Variants in DLGAP2 observed in about 807,000 individuals in gnomAD.
The protein encoded by DLGAP2 is disks large-associated protein 2.
DLGAP2 carries 26 observed loss-of-function variants against 100.3 expected under a neutral mutation model. The observed-to-expected ratio is 0.26, with a 90% confidence interval of 0.19 to 0.36. The LOEUF is 0.36. Among genes scored for constraint, DLGAP2 ranks in the 10% least tolerant of loss-of-function variants. The pLI, the probability that DLGAP2 is intolerant of heterozygous loss-of-function variation, is 1.00. For synonymous variants in DLGAP2, 886 were observed against 630.1 expected, an observed-to-expected ratio of 1.41 and a Z score of -6.08; for missense variants, 1,858 against 1,453.2, an observed-to-expected ratio of 1.28 and a Z score of -4.53.
chr8:1,663,467 C>T (rs969009674), intron 8 of DLGAP2, among the ~76,000 whole-genome samples: 2 of 152,100 alleles, frequency 1.3e-5, no homozygotes, highest in Non-Finnish European at 2.9e-5. Context: ...CACCGCAGAG[C>T]ACCCTCAGAC....
Position 1,287,833 on chromosome 8 carries a change from C to CGTGTGTGT in DLGAP2, c.106+28960_106+28967dup, listed in dbSNP as rs1248811227. Among the ~76,000 whole-genome samples, 11 of 73,266 alleles carry CGTGTGTGT rather than the reference C, an allele frequency of 1.5e-4. No individual in the cohort carries two copies. The East Asian group carries it at 4.6e-3, about 30-fold the overall frequency. The allele number at this position is 73,266 out of a possible 152,430, so 48.1% of individuals were successfully genotyped here. On this transcript the variant is annotated intron_variant, in intron 3 of 14. Coordinates refer to ENST00000637795, the MANE Select transcript of DLGAP2 (RefSeq NM_001346810.2). ...AGGACGGGAACTAGTTTTGGTTCAG[C>CGTGTGTGT]GTGTGTGTGTGTGTGTGGTTGTTAG...
chr8:798,727 G>A (rs917664726), intron 1 of DLGAP2, among the ~76,000 whole-genome samples: 2 of 136,452 alleles, frequency 1.5e-5, no homozygotes, highest in Admixed American at 1.4e-4. Context: ...CCAGGTGATG[G>A]GTGCCTGCTT....
At chr8:1,253,557 A>G (rs1799099957) in intron 2 of DLGAP2, among the ~76,000 whole-genome samples, 1 of 152,210 alleles carries the variant, frequency 6.6e-6, no homozygotes, top group South Asian at 2.1e-4. Context: ...TTTCTAGGAG[A>G]TTAAAATAAG....
At chr8:1,444,103 G>C (rs185691280) in intron 3 of DLGAP2, among the ~76,000 whole-genome samples, 1 of 151,978 alleles carries the variant, frequency 6.6e-6, no homozygotes, top group Non-Finnish European at 1.5e-5. Flanking sequence ...TTAAGCTCCA[G>C]TGCTTTTTGT....
intron 3 of DLGAP2, among the ~76,000 whole-genome samples, chr8:1,326,489 C>T (rs905742789): frequency 1.4e-4 from 22 of 151,858 alleles, no homozygotes; most frequent in East Asian, 7.7e-4. Context: ...GGTCTCGGTC[C>T]GGGCCTGTCA....
rs565389605 is a variant in DLGAP2, at chr8:1,468,546, T to A, written c.107-32820T>A. ...TGAGAACCACACCTGTTCCAACACA[T>A]GGATCCCAAGCCTTAGGCTCCTGGT... On this transcript the variant is annotated intron_variant, in intron 3 of 14. Transcript: ENST00000637795. 1.4e-3 allele frequency among the ~76,000 whole-genome samples: 218 copies of A among 152,324 alleles called. 1 individual carries two copies. Among genetic ancestry groups the A allele is most frequent in the South Asian group, 5.0e-3 (24 of 4,822 alleles).
At chr8:1,691,086 A>G (rs899817000) in intron 12 of DLGAP2, among the ~76,000 whole-genome samples, 1 of 152,168 alleles carries the variant, frequency 6.6e-6, no homozygotes, top group Admixed American at 6.5e-5. Flanking sequence ...GAGAACCCAT[A>G]TGGATGTGTT....
At chr8:1,429,274 C>T (rs146321010) in intron 3 of DLGAP2, among the ~76,000 whole-genome samples, 359 of 152,182 alleles carry the variant, frequency 2.4e-3, no homozygotes, top group African/African-American at 8.1e-3. Flanking sequence ...TAAGGGCTCT[C>T]GTTTCATTTC....
At chr8:1,413,374 A>T (rs1796789347) in intron 3 of DLGAP2, among the ~76,000 whole-genome samples, 1 of 152,236 alleles carries the variant, frequency 6.6e-6, no homozygotes, top group African/African-American at 2.4e-5. Flanking sequence ...TGAACAACCT[A>T]TTGAAGAAAG....
At chr8:842,890 T>G (rs1443189772) in intron 1 of DLGAP2, among the ~76,000 whole-genome samples, 1 of 152,230 alleles carries the variant, frequency 6.6e-6, no homozygotes, top group Non-Finnish European at 1.5e-5. Flanking sequence ...TTTTTCTAAT[T>G]CTGATTTACA....
intron 3 of DLGAP2, among the ~76,000 whole-genome samples, chr8:1,355,233 C>T (rs1214059960): frequency 6.6e-6 from 1 of 152,260 alleles, no homozygotes; most frequent in Non-Finnish European, 1.5e-5. Flanking sequence ...GCGGTGACAC[C>T]TGCGTGCCAG....
Position 828,901 on chromosome 8 carries a change from A to G in DLGAP2, c.19-79011A>G, listed in dbSNP as rs141667663. Among the ~76,000 whole-genome samples, 882 of 152,296 alleles carry G rather than the reference A, an allele frequency of 5.8e-3. 8 individuals are homozygous for G. Among genetic ancestry groups the G allele is most frequent in the African/African-American group, 0.02 (826 of 41,558 alleles). ...CAACAATTTATTATTCTCAGGGTCT[A>G]TATGTAATGGATTCATGTTCCAAGA... On this transcript the variant is annotated intron_variant, in intron 1 of 14. Coordinates refer to ENST00000637795, the MANE Select transcript of DLGAP2 (RefSeq NM_001346810.2).
intron 3 of DLGAP2, among the ~76,000 whole-genome samples, chr8:1,277,265 G>C (rs1052118411): frequency 6.6e-6 from 1 of 152,154 alleles, no homozygotes; most frequent in Non-Finnish European, 1.5e-5. Flanking sequence ...AGTGGCAGAC[G>C]TATATCTGTG....
chr8:950,610 T>C (rs1004497063), intron 2 of DLGAP2, among the ~76,000 whole-genome samples: 11 of 149,920 alleles, frequency 7.3e-5, no homozygotes, highest in Non-Finnish European at 7.4e-5. Flanking sequence ...GAATATTTCT[T>C]TTTTTCTTTT....
chr8:1,263,621 G>A (rs1799394699), intron 3 of DLGAP2, among the ~76,000 whole-genome samples: 1 of 152,198 alleles, frequency 6.6e-6, no homozygotes, highest in South Asian at 2.1e-4. Context: ...AGTCTCCTTA[G>A]TGGGTTTTTG....
intron 9 of DLGAP2, among the ~76,000 whole-genome samples, chr8:1,669,144 C>G (rs1798623814): frequency 1.3e-5 from 2 of 152,182 alleles, no homozygotes; most frequent in South Asian, 4.1e-4. Context: ...AGGGCATGCT[C>G]TCCTCTCTAC....
intron 1 of DLGAP2, among the ~76,000 whole-genome samples, chr8:768,867 G>C (rs1821284259): frequency 6.6e-6 from 1 of 152,156 alleles, no homozygotes; most frequent in Non-Finnish European, 1.5e-5. Context: ...ATCATTTCAT[G>C]TGTCTGGGGT....
At chr8:1,111,714 T>C (rs1045248699) in intron 2 of DLGAP2, among the ~76,000 whole-genome samples, 4 of 152,200 alleles carry the variant, frequency 2.6e-5, no homozygotes, top group Admixed American at 2.6e-4. Context: ...GCTCCATCCA[T>C]GTTCCTGCAG....
intron 2 of DLGAP2, among the ~76,000 whole-genome samples, chr8:976,017 T>C (rs1004273076): frequency 6.6e-6 from 1 of 152,166 alleles, no homozygotes; most frequent in African/African-American, 2.4e-5. Context: ...ACAAGGTTAT[T>C]ATACAGAAGT....
Sources: gnomAD v4.1 joint callset for allele counts (sites outside exome capture counted in the v4.1 genomes callset) on GRCh38, gnomAD v4.1.1 for gene constraint, MANE v1.5 for transcripts, NCBI Gene and HGNC (gene_info 2026-07-23, HGNC 2026-07-21) for gene names.